The following FGD4 variants were observed in gnomAD, a reference collection of about 807,000 sequenced individuals.
FGD4 encodes FYVE, RhoGEF and PH domain-containing protein 4.
FGD4 carries 42 observed loss-of-function variants against 102.0 expected under a neutral mutation model. The ratio of observed to expected loss-of-function variants is 0.41; its 90% CI spans 0.32 to 0.53. The LOEUF is 0.53. Ranked by LOEUF, FGD4 falls within the 20% of genes least tolerant of loss-of-function variation. The pLI is 0.21. For missense variants in FGD4, 902 were observed against 1,078.2 expected (o/e 0.84, Z 2.29); for synonymous variants, 380 against 375.7 (o/e 1.01, Z -0.13).
At chr12:32,491,335 G>T (rs1306100497) in intron 1 of FGD4, among the ~76,000 whole-genome samples, 1 of 152,144 alleles carries the variant, frequency 6.6e-6, no homozygotes, top group African/African-American at 2.4e-5. Context: ...AAATAGTGCT[G>T]TGGTGTTCCC....
intron 1 of FGD4, among the ~76,000 whole-genome samples, chr12:32,552,614 A>G (rs1943770808): frequency 6.6e-6 from 1 of 151,840 alleles, no homozygotes; most frequent in South Asian, 2.1e-4. Flanking sequence ...CACAGCAGAA[A>G]GGGAAACCTC....
chr12:32,550,345 T>C lies in FGD4; in HGVS notation c.167-13792T>C, dbSNP rs149803015. Among the ~76,000 whole-genome samples, 926 of 152,218 alleles carry C rather than the reference T, an allele frequency of 6.1e-3. 11 individuals are homozygous for C. Among genetic ancestry groups the C allele is most frequent in the African/African-American group, 0.021 (883 of 41,540 alleles). ...AGTTAGTACTTTAGCAGCATACAGA[T>C]AAGATATATTAAAATCATACACTGA... On this transcript the variant is annotated intron_variant, in intron 1 of 16. Transcript: ENST00000534526.
chr12:32,440,052 A>G (rs80083446), intron 1 of FGD4, among the ~76,000 whole-genome samples: 6 of 57,100 alleles, frequency 1.1e-4, no homozygotes, highest in Admixed American at 9.6e-4. Context: ...TTCCTTCTCT[A>G]TGTTATTTTG....
chr12:32,582,193 C>T lies in FGD4; in HGVS notation c.737C>T (p.Thr246Ile), dbSNP rs1355412823. ...GAATGTGAGGAGGAGAAAGCTGCCA[C>T]TCTTAGCTCAGATACTTCTATTCAA... The part of the protein sequence containing the change: ...QMECEEEKAA[T>I]LSSDTSIQAS... Residue 246 changes from threonine (T) to isoleucine (I), a missense_variant, in exon 4 of 17, where the codon ACT becomes ATT. By Grantham distance (89) the Thr-to-Ile change is moderately conservative. This residue lies in a region of FGD4 where 443 missense variants were observed against 459.2 expected (regional missense o/e 0.96). Transcript: ENST00000534526. 4 of 1,614,232 alleles carry T rather than the reference C, an allele frequency of 2.5e-6. No homozygotes were observed. The highest frequency in any genetic ancestry group is 3.4e-6 in the Non-Finnish European group (4 of 1,180,048).
At chr12:32,423,427 T>TA (rs1210601082) in intron 1 of FGD4, among the ~76,000 whole-genome samples, 1 of 149,182 alleles carries the variant, frequency 6.7e-6, no homozygotes, top group Non-Finnish European at 1.5e-5. Flanking sequence ...CCATCTCTAT[T>TA]AAAAAATACA....
intron 5 of FGD4, among the ~76,000 whole-genome samples, chr12:32,599,393 CTGAGGCAGGAGAA>C (rs1285219356): frequency 7.3e-6 from 1 of 136,160 alleles, no homozygotes. Flanking sequence ...ACTCGGGAGG[CTGAGGCAGGAGAA>C]TGGCGTGAAC....
intron 1 of FGD4, among the ~76,000 whole-genome samples, chr12:32,485,076 A>G (rs1011835589): frequency 6.6e-6 from 1 of 152,134 alleles, no homozygotes; most frequent in East Asian, 1.9e-4. Flanking sequence ...TAATTTTTTA[A>G]AATTTATTTT....
chr12:32,565,361 A>G (rs1018311619), intron 2 of FGD4, among the ~76,000 whole-genome samples: 4 of 152,248 alleles, frequency 2.6e-5, no homozygotes, highest in Non-Finnish European at 5.9e-5. Flanking sequence ...TGAGTAGCCT[A>G]TTCATGAGCT....
At chr12:32,441,958 C>G (rs1942447634) in intron 1 of FGD4, among the ~76,000 whole-genome samples, 1 of 152,058 alleles carries the variant, frequency 6.6e-6, no homozygotes, top group Admixed American at 6.6e-5. Flanking sequence ...GTCTTCTCCT[C>G]CAGTGTCCAG....
intron 1 of FGD4, among the ~76,000 whole-genome samples, chr12:32,425,348 G>T (rs571025044): frequency 6.6e-6 from 1 of 152,220 alleles, no homozygotes; most frequent in East Asian, 1.9e-4. Context: ...CCCATTGCTT[G>T]TTTTTGTCAG....
chr12:32,537,335 C>A (rs1379075024), intron 1 of FGD4, among the ~76,000 whole-genome samples: 1 of 152,164 alleles, frequency 6.6e-6, no homozygotes, highest in Non-Finnish European at 1.5e-5. Context: ...GTCTTATTGC[C>A]TCTACTGTTA....
At chr12:32,491,519 T>C (rs1944091778) in intron 1 of FGD4, among the ~76,000 whole-genome samples, 1 of 152,240 alleles carries the variant, frequency 6.6e-6, no homozygotes, top group Non-Finnish European at 1.5e-5. Context: ...CTAATACTTG[T>C]TTTTAACCTT....
At chr12:32,494,816 G>A (rs1195736332) in intron 1 of FGD4, among the ~76,000 whole-genome samples, 2 of 152,156 alleles carry the variant, frequency 1.3e-5, no homozygotes, top group Non-Finnish European at 2.9e-5. Flanking sequence ...GGCCTTACTG[G>A]GAGCAGTGCC....
At chr12:32,610,893 C>T (rs1350884211) in intron 9 of FGD4, 59 bp downstream of exon 9, 1 of 1,530,278 alleles carries the variant, frequency 6.5e-7, no homozygotes, top group African/African-American at 1.4e-5. Flanking sequence ...ATAATACTGC[C>T]TCAATACTAT....
rs1189127347 is a variant in FGD4, at chr12:32,491,142, A to AAC, written c.167-72994_167-72993insCA. 3.3e-5 allele frequency among the ~76,000 whole-genome samples: 5 copies of AAC among 150,794 alleles called. No individual in the cohort carries two copies. The East Asian group carries it at 5.8e-4, about 17-fold the overall frequency. On this transcript the variant is annotated intron_variant, in intron 1 of 16. Transcript: ENST00000534526. ...ATACCTTCTGCCAGTTAAAAAAAAA[A>AAC]AAAAAAAACAAAAAACTATAAAATT...
chr12:32,611,007 G>A (rs904136681), intron 9 of FGD4, 130 bp from the exon 10 acceptor site: 5 of 1,283,372 alleles, frequency 3.9e-6, no homozygotes, highest in Non-Finnish European at 5.5e-6. Flanking sequence ...AATAAGTGAT[G>A]GAATTTATAT....
At chr12:32,623,288 A>G (rs1949954080) in intron 11 of FGD4, among the ~76,000 whole-genome samples, 1 of 152,196 alleles carries the variant, frequency 6.6e-6, no homozygotes, top group Non-Finnish European at 1.5e-5. Flanking sequence ...CTAGCAGATA[A>G]CTGTGCTTCC....
intron 1 of FGD4, among the ~76,000 whole-genome samples, chr12:32,520,683 G>A (rs1004108701): frequency 2.0e-5 from 3 of 151,848 alleles, no homozygotes; most frequent in Non-Finnish European, 4.4e-5. Context: ...TGATCCACCC[G>A]CCTCGGCCTC....
intron 1 of FGD4, among the ~76,000 whole-genome samples, chr12:32,413,355 T>C (rs1941283692): frequency 6.6e-6 from 1 of 152,202 alleles, no homozygotes; most frequent in African/African-American, 2.4e-5. Flanking sequence ...CTGCAGAAAG[T>C]TGGCTAACAT....
Sources: allele counts gnomAD v4.1 joint callset (sites outside exome capture counted in the v4.1 genomes callset), GRCh38; gene constraint gnomAD v4.1.1; regional missense constraint gnomAD v4.1.1; transcripts MANE v1.5; gene names NCBI Gene and HGNC (gene_info 2026-07-23, HGNC 2026-07-21).